The following FGFR1 variants were observed in gnomAD, a reference collection of about 807,000 sequenced individuals.
FGFR1 encodes FGFR1/PLAG1 fusion.
In FGFR1, 18 loss-of-function variants were observed where a neutral mutation model predicts 93.7. The observed-to-expected ratio is 0.19, with a 90% CI of 0.13 to 0.28. FGFR1 has a LOEUF of 0.28. FGFR1 is among the 10% of genes least tolerant of loss of function. FGFR1 has a pLI of 1.00. For missense variants in FGFR1, 731 were observed against 1,080.4 expected (o/e 0.68, Z 4.53); for synonymous variants, 448 against 429.3 (o/e 1.04, Z -0.54).
At chr8:38,414,515 C>T (rs1815589446) in intron 15 of FGFR1, 44 bp downstream of exon 15, 1 of 1,606,340 alleles carries the variant, frequency 6.2e-7, no homozygotes, top group Non-Finnish European at 8.5e-7. Flanking sequence ...GTGCTAGAAG[C>T]TCTCTATCCC....
At chr8:38,417,100 C>A (rs1323352754) in intron 12 of FGFR1, among the ~76,000 whole-genome samples, 1 of 152,232 alleles carries the variant, frequency 6.6e-6, no homozygotes, top group Non-Finnish European at 1.5e-5. Context: ...GTTAACACAC[C>A]ACGTGTGTGA....
Position 38,429,968 on chromosome 8 carries a change from G to A in FGFR1, c.92-20C>T, listed in dbSNP as rs559825541. On this transcript the variant is annotated intron_variant, in intron 2 of 17. Coordinates refer to ENST00000447712, the MANE Select transcript of FGFR1 (RefSeq NM_023110.3). The surrounding 1 kb of genome is among the most constrained non-coding windows in gnomAD (Gnocchi z 4.4). The stretch of plus-strand genomic sequence containing the variant: ...GCTGGGCTGCAGCCACCACGGGGCC[G>A]GGAAGGGAAGCCAAGGGGCGAGAGA... 1.9e-5 allele frequency: 31 copies of A among 1,592,016 alleles called. No homozygotes were observed. Among genetic ancestry groups the A allele is most frequent in the Middle Eastern group, 1.7e-4 (1 of 5,996 alleles).
At chr8:38,414,386 G>C in intron 15 of FGFR1, 97 bp from the exon 16 acceptor site, 1 of 1,588,342 alleles carries the variant, frequency 6.3e-7, no homozygotes, top group South Asian at 1.1e-5. Flanking sequence ...GAGACAGCAT[G>C]GAGAACAGAT....
In FGFR1 at chr8:38,412,251, A is replaced by C. The variant is rs1436355695; in HGVS notation, c.*1377T>G. The C allele has an allele frequency of 4.6e-6, 1 of 216,490 alleles. No individual in the cohort carries two copies. Among genetic ancestry groups the C allele is most frequent in the African/African-American group, 2.3e-5 (1 of 44,320 alleles). 13.4% of individuals were successfully genotyped at this position (216,490 alleles called of 1,614,324 possible). ...TTTTAGTAGAGATGGGGTTTCACTA[A>C]GTTGGCCAGGCTGGTCTCAAACTCC... On this transcript the variant is annotated 3_prime_UTR_variant, in exon 18 of 18. Transcript: ENST00000447712.
At chr8:38,456,472 T>G (rs1169213200) in intron 2 of FGFR1, among the ~76,000 whole-genome samples, 3 of 152,064 alleles carry the variant, frequency 2.0e-5, no homozygotes, top group African/African-American at 7.2e-5. Flanking sequence ...TCAAAACCCC[T>G]CAAACAGTAC....
rs536777216 is a variant in FGFR1 at position 38,450,249 on chromosome 8, A to G, written c.91+7107T>C. 5.3e-5 allele frequency among the ~76,000 whole-genome samples: 8 copies of G among 152,308 alleles called. No homozygotes were observed. In the South Asian group the frequency reaches 1.7e-3, roughly 32 times the overall value. ...GGTGAAAGAGCCAGGCCCAGGAGGA[A>G]GGCCTGGGCCGCCCCGTTCAGGAGC... On this transcript the variant is annotated intron_variant, in intron 2 of 17. Coordinates refer to ENST00000447712, the MANE Select transcript of FGFR1 (RefSeq NM_023110.3).
In FGFR1 at chr8:38,417,920, T is replaced by C. The variant is rs1233979323; in HGVS notation, c.1502A>G (p.Asp501Gly). ...QVVLAEAIGL[D>G]KDKPNRVTKV... ...GGTCACACGGTTGGGTTTGTCCTTG[T>C]CCAGCCCGATAGCCTCTGCCAACAC... Residue 501 changes from aspartate to glycine, a missense_variant, in exon 11 of 18, where the codon GAC (aspartate) becomes GGC (glycine). Physicochemically the swap from Asp to Gly is moderately conservative, Grantham distance 94. Coordinates refer to ENST00000447712, the MANE Select transcript of FGFR1 (RefSeq NM_023110.3). 1 of 1,614,190 alleles carries C rather than the reference T, an allele frequency of 6.2e-7. No individual in the cohort carries two copies. Among genetic ancestry groups the C allele is most frequent in the Non-Finnish European group, 8.5e-7 (1 of 1,180,036 alleles).
At chr8:38,450,901 G>C (rs144553781) in intron 2 of FGFR1, among the ~76,000 whole-genome samples, 28 of 152,268 alleles carry the variant, frequency 1.8e-4, no homozygotes, top group African/African-American at 6.5e-4. Flanking sequence ...GCTTGGTCAA[G>C]AGGGCCACGT....
chr8:38,435,938 T>C (rs899515019), intron 2 of FGFR1, among the ~76,000 whole-genome samples: 2 of 152,210 alleles, frequency 1.3e-5, no homozygotes, highest in African/African-American at 4.8e-5. Flanking sequence ...ACCAAAACAC[T>C]TGCTTTGTGC....
At chr8:38,467,889 G>A (rs1489402519) in intron 1 of FGFR1, 92 bp downstream of exon 1, 1 of 225,066 alleles carries the variant, frequency 4.4e-6, no homozygotes, top group Middle Eastern at 1.3e-3. Flanking sequence ...GCTGGGCTGC[G>A]GCGGGCAAAG....
rs570005787 is a variant in FGFR1, at chr8:38,457,553, C to A, written c.-88-19G>T. 5.3e-5 allele frequency: 83 copies of A among 1,559,778 alleles called. No homozygotes were observed. The African/African-American group carries it at 5.6e-4, about 10-fold the overall frequency. The stretch of plus-strand genomic sequence containing the variant: ...ACTGACCCTGAGGAAAGGAAAAAAA[C>A]CCCAAAAGTTAGGAGGGTCTAGGTA... On this transcript the variant is annotated intron_variant, in intron 1 of 17. Coordinates refer to ENST00000447712, the MANE Select transcript of FGFR1 (RefSeq NM_023110.3).
rs989394574 is a variant in FGFR1 at position 38,413,720 on chromosome 8, C to T, written c.2377G>A (p.Asp793Asn). 4 of 1,613,902 alleles carry T rather than the reference C, an allele frequency of 2.5e-6. No homozygotes were observed. The highest frequency in any genetic ancestry group is 3.4e-6 in the Non-Finnish European group (4 of 1,179,996). ...TRSSTCSSGE[D>N]SVFSHEPLPE... is the part of the protein sequence containing the mutation. ...AGCGGCTCATGAGAGAAGACGGAAT[C>T]CTCCCCTGAGGAGCACGTAGAGCTC... Residue 793 changes from aspartate to asparagine, a missense_variant, in exon 18 of 18, where the codon GAT (aspartate) becomes AAT (asparagine). Transcript: ENST00000447712. The surrounding 1 kb of genome is among the most constrained non-coding windows in gnomAD (Gnocchi z 4.2).
chr8:38,426,365 G>A lies in FGFR1; in HGVS notation c.622-120C>T, dbSNP rs890576702. The A allele has an allele frequency of 1.4e-6, 2 of 1,441,818 alleles. No homozygotes were observed. Among genetic ancestry groups the A allele is most frequent in the African/African-American group, 1.4e-5 (1 of 71,578 alleles). 89.3% of individuals were successfully genotyped at this position (1,441,818 alleles called of 1,614,324 possible). A position where few individuals can be genotyped will look rare whatever the true frequency, so the allele number is the denominator to read the frequency against. On this transcript the variant is annotated intron_variant, in intron 5 of 17. Coordinates refer to ENST00000447712, the MANE Select transcript of FGFR1 (RefSeq NM_023110.3). This position sits in a 1 kb window ranked among gnomAD's most constrained non-coding sequence, Gnocchi z 4.1. ...CAGAGCCTGGTGGCACAGGGCCCCAGGCTGCAGGGTTGGCTAGGACAAGGC... is the reference window on the plus strand; with the variant it reads ...CAGAGCCTGGTGGCACAGGGCCCCAAGCTGCAGGGTTGGCTAGGACAAGGC...
rs192627762 is a variant in FGFR1, at chr8:38,416,429, C to G, written c.1664-369G>C. Among the ~76,000 whole-genome samples, 609 of 147,862 alleles carry G rather than the reference C, an allele frequency of 4.1e-3. 4 individuals carry two copies. The highest frequency in any genetic ancestry group is 0.014 in the African/African-American group (565 of 39,914). On this transcript the variant is annotated intron_variant, in intron 12 of 17. Coordinates refer to ENST00000447712, the MANE Select transcript of FGFR1 (RefSeq NM_023110.3). ...CCTCCCAAGCAGCTGGGATTACAGG[C>G]ATGAACAATGCCTGGCTAATTTTTT...
chr8:38,447,045 T>C (rs1345543429), intron 2 of FGFR1, among the ~76,000 whole-genome samples: 2 of 151,572 alleles, frequency 1.3e-5, no homozygotes. Flanking sequence ...CACAGACCTG[T>C]GACTGATGTG....
intron 2 of FGFR1, among the ~76,000 whole-genome samples, chr8:38,435,833 A>C (rs1272415100): frequency 6.6e-6 from 1 of 152,210 alleles, no homozygotes; most frequent in East Asian, 1.9e-4. Flanking sequence ...AGTCACTTGA[A>C]ACCAACATTC....
At chr8:38,423,127 C>T in intron 7 of FGFR1, 1 of 779,614 alleles carries the variant, frequency 1.3e-6, no homozygotes, top group Middle Eastern at 2.3e-4. Flanking sequence ...GCCTCTGTCA[C>T]ATTGAACAGG....
At chr8:38,418,836 GTAT>G (rs1161039695) in intron 9 of FGFR1, among the ~76,000 whole-genome samples, 1 of 152,184 alleles carries the variant, frequency 6.6e-6, no homozygotes, top group Non-Finnish European at 1.5e-5. Flanking sequence ...GGGGACAAGG[GTAT>G]GGTATGGCTG....
In FGFR1 at chr8:38,428,435, T is replaced by A. The variant is rs755042837; in HGVS notation, c.359A>T (p.Asp120Val). 1 of 1,611,178 alleles carries A rather than the reference T, an allele frequency of 6.2e-7. No individual in the cohort carries two copies. Among genetic ancestry groups the A allele is most frequent in the Non-Finnish European group, 8.5e-7 (1 of 1,178,856 alleles). ...ATCATCCTCCGAGGAGGGGAGAGCA[T>A]CTATGGGAAGAAGAAGGGGCACTGA... ...DTTYFSVNVS[D>V]ALPSSEDDDD... is the part of the protein sequence containing the mutation. The change falls in exon 4 of 18, where the codon GAT becomes GTT. Residue 120 changes from aspartate (D) to valine (V), a missense_variant and splice_region_variant. Around this residue, in one of 10 missense-constraint regions of FGFR1, gnomAD observed 212 missense variants for 205.8 expected, o/e 1.03. Coordinates refer to ENST00000447712, the MANE Select transcript of FGFR1 (RefSeq NM_023110.3).
Sources: gnomAD v4.1 joint callset for allele counts (sites outside exome capture counted in the v4.1 genomes callset) on GRCh38, gnomAD v4.1.1 for gene constraint, gnomAD v4.1.1 regional missense constraint, Gnocchi (gnomAD v3.1) non-coding constraint, MANE v1.5 for transcripts, NCBI Gene and HGNC (gene_info 2026-07-23, HGNC 2026-07-21) for gene names.